OSBPL9: variants seen among roughly 807,000 people sequenced by gnomAD.
The protein encoded by OSBPL9 is oxysterol-binding protein-related protein 9.
Under a neutral mutation model 106.6 loss-of-function variants are expected in OSBPL9, and 40 were observed. That is an observed-to-expected ratio of 0.38 (90% confidence interval 0.29 to 0.49). OSBPL9 has a LOEUF of 0.49. Among genes scored for constraint, OSBPL9 ranks in the 20% least tolerant of loss-of-function variants. OSBPL9 has a pLI of 0.97. For missense variants in OSBPL9, 609 were observed against 887.2 expected (o/e 0.69, Z 3.98); for synonymous variants, 269 against 295.4 (o/e 0.91, Z 0.92).
chr1:51,774,964 T>TG (rs1674727046), intron 14 of OSBPL9, among the ~76,000 whole-genome samples: 1 of 152,206 alleles, frequency 6.6e-6, no homozygotes, highest in Non-Finnish European at 1.5e-5. Context: ...ACTGGAGTAG[T>TG]GATCTTCATC....
intron 17 of OSBPL9, among the ~76,000 whole-genome samples, chr1:51,782,962 T>A (rs577454200): frequency 6.6e-6 from 1 of 152,304 alleles, no homozygotes; most frequent in South Asian, 2.1e-4. Context: ...ATATAAGTGA[T>A]ACGTAGTTTC....
intron 1 of OSBPL9, among the ~76,000 whole-genome samples, chr1:51,624,024 TCTC>T (rs1644608285): frequency 2.0e-5 from 3 of 151,870 alleles, no homozygotes; most frequent in African/African-American, 7.3e-5. Context: ...TAGAAGCAAT[TCTC>T]CTGTCTCAGC....
intron 1 of OSBPL9, among the ~76,000 whole-genome samples, chr1:51,640,286 A>G (rs1645705303): frequency 6.6e-6 from 1 of 152,212 alleles, no homozygotes; most frequent in Admixed American, 6.5e-5. Flanking sequence ...TATTGATTGC[A>G]GTATATACTG....
intron 8 of OSBPL9, among the ~76,000 whole-genome samples, chr1:51,754,713 A>G (rs1669963598): frequency 6.6e-6 from 1 of 152,266 alleles, no homozygotes; most frequent in Non-Finnish European, 1.5e-5. Flanking sequence ...TTAGTAACCC[A>G]GTGTACCAAA....
chr1:51,572,286 G>T (rs1645155387), upstream of OSBPL9, among the ~76,000 whole-genome samples: 1 of 152,072 alleles, frequency 6.6e-6, no homozygotes, highest in South Asian at 2.1e-4. Flanking sequence ...ACCCAATCCT[G>T]CAGAACTTGT....
At chr1:51,597,078 A>C (rs1645303751) in intron 1 of OSBPL9, among the ~76,000 whole-genome samples, 1 of 152,180 alleles carries the variant, frequency 6.6e-6, no homozygotes, top group South Asian at 2.1e-4. Context: ...AGAAGAGGCA[A>C]CAAGTGCAAA....
At chr1:51,782,493 C>T (rs1284162232) in intron 16 of OSBPL9, 66 bp from the exon 17 acceptor site, 16 of 1,308,522 alleles carry the variant, frequency 1.2e-5, no homozygotes, top group South Asian at 6.0e-5. Flanking sequence ...ACCCCAATTA[C>T]CAGATTCTCT....
At chr1:51,571,056 G>A in the OSBPL9 span, among the ~76,000 whole-genome samples, 22 of 152,188 alleles carry the variant, frequency 1.4e-4, no homozygotes, top group South Asian at 4.2e-4. Flanking sequence ...CCTGACAGGC[G>A]TGAGTCACCA....
intron 4 of OSBPL9, among the ~76,000 whole-genome samples, chr1:51,739,004 G>A (rs757745900): frequency 5.9e-5 from 9 of 151,900 alleles, no homozygotes; most frequent in Non-Finnish European, 1.0e-4. Flanking sequence ...TCATGGATGA[G>A]AAAATGTAAG....
At chr1:51,772,252 C>T in intron 13 of OSBPL9, 70 bp downstream of exon 13, 2 of 1,298,700 alleles carry the variant, frequency 1.5e-6, no homozygotes, top group Non-Finnish European at 1.1e-6. Context: ...GTGGCTCATG[C>T]CGTAATCCCA....
At chr1:51,671,694 G>A (rs746904165) in intron 3 of OSBPL9, among the ~76,000 whole-genome samples, 18 of 152,088 alleles carry the variant, frequency 1.2e-4, no homozygotes, top group African/African-American at 3.6e-4. Context: ...AATAAAATAC[G>A]AAAGGAGAAA....
chr1:51,666,362 A>G (rs1648513761), intron 2 of OSBPL9, among the ~76,000 whole-genome samples: 1 of 152,218 alleles, frequency 6.6e-6, no homozygotes, highest in Non-Finnish European at 1.5e-5. Context: ...TGTTTAACAA[A>G]TGGTGAGAAA....
the OSBPL9 span, among the ~76,000 whole-genome samples, chr1:51,562,314 C>T: frequency 1.1e-4 from 16 of 152,122 alleles, 1 homozygote; most frequent in East Asian, 2.7e-3. Flanking sequence ...TCCCCCCTTT[C>T]TCTCTTGCTC....
At chr1:51,777,169 C>G (rs928121325) in intron 15 of OSBPL9, among the ~76,000 whole-genome samples, 2 of 152,216 alleles carry the variant, frequency 1.3e-5, no homozygotes, top group East Asian at 3.9e-4. Flanking sequence ...ATTCACAAGG[C>G]CAATGGTATA....
chr1:51,524,531 A>G, the OSBPL9 span, among the ~76,000 whole-genome samples: 1 of 152,238 alleles, frequency 6.6e-6, no homozygotes, highest in Non-Finnish European at 1.5e-5. Flanking sequence ...CAGAAACTAG[A>G]TAAGCATTAG....
chr1:51,531,169 T>A, the OSBPL9 span, among the ~76,000 whole-genome samples: 34 of 151,838 alleles, frequency 2.2e-4, no homozygotes, highest in Non-Finnish European at 3.8e-4. Context: ...TCCCAGCTAC[T>A]CGGGAGGCTG....
At chr1:51,736,196 A>T (rs1032567676) in intron 4 of OSBPL9, among the ~76,000 whole-genome samples, 2 of 152,194 alleles carry the variant, frequency 1.3e-5, no homozygotes, top group Non-Finnish European at 2.9e-5. Flanking sequence ...CTTGTATTTT[A>T]TATCATCTTG....
chr1:51,589,342 G>T (rs1645261993), intron 1 of OSBPL9, among the ~76,000 whole-genome samples: 1 of 152,126 alleles, frequency 6.6e-6, no homozygotes. Flanking sequence ...GCCTGCCTCA[G>T]TTTCCCAAAA....
the OSBPL9 span, among the ~76,000 whole-genome samples, chr1:51,531,090 A>T: frequency 6.6e-6 from 1 of 151,982 alleles, no homozygotes; most frequent in African/African-American, 2.4e-5. Flanking sequence ...CCTGGCCAAC[A>T]TGATGAAAAC....
Sources: gnomAD v4.1 joint callset for allele counts (sites outside exome capture counted in the v4.1 genomes callset) on GRCh38, gnomAD v4.1.1 for gene constraint, MANE v1.5 for transcripts, NCBI Gene and HGNC (gene_info 2026-07-23, HGNC 2026-07-21) for gene names.